ZNF804B: variants seen among roughly 807,000 people sequenced by gnomAD.
The protein encoded by ZNF804B is zinc finger protein 804B, also known as zinc finger 804B.
ZNF804B carries 80 observed loss-of-function variants against 101.4 expected under a neutral mutation model. That is an observed-to-expected ratio of 0.79 (90% CI 0.66 to 0.95). ZNF804B has a LOEUF of 0.95. Ranked by LOEUF, ZNF804B falls within the 40% of genes least tolerant of loss-of-function variation. The pLI, the probability that ZNF804B is intolerant of heterozygous loss-of-function variation, is 0.00. For synonymous variants in ZNF804B, 622 were observed against 558.8 expected, an observed-to-expected ratio of 1.11 and a Z score of -1.59; for missense variants, 1,673 against 1,561.9, an observed-to-expected ratio of 1.07 and a Z score of -1.20.
At chr7:88,993,874 A>C (rs1793883290) in intron 1 of ZNF804B, among the ~76,000 whole-genome samples, 1 of 152,002 alleles carries the variant, frequency 6.6e-6, no homozygotes, top group Non-Finnish European at 1.5e-5. Flanking sequence ...GAAAATTTGA[A>C]AGAAACAAGT....
intron 1 of ZNF804B, among the ~76,000 whole-genome samples, chr7:88,776,533 T>G (rs1268851390): frequency 1.3e-5 from 2 of 149,706 alleles, no homozygotes; most frequent in South Asian, 2.1e-4. Context: ...ACATTTGTAG[T>G]GGCTTTTCTA....
intron 2 of ZNF804B, among the ~76,000 whole-genome samples, chr7:89,305,055 T>C (rs1790539364): frequency 6.6e-6 from 1 of 152,040 alleles, no homozygotes; most frequent in East Asian, 1.9e-4. Flanking sequence ...GTTATGCCTT[T>C]AAGTGTCTGT....
intron 1 of ZNF804B, among the ~76,000 whole-genome samples, chr7:89,007,446 T>A (rs10226356): frequency 0.057 from 3,281 of 57,076 alleles, 167 homozygotes; most frequent in East Asian, 0.12. Flanking sequence ...ATCCATGATT[T>A]TATATATATA....
intron 1 of ZNF804B, among the ~76,000 whole-genome samples, chr7:89,161,903 T>C (rs1298509693): frequency 1.3e-5 from 2 of 152,140 alleles, no homozygotes; most frequent in East Asian, 1.9e-4. Context: ...CAATATGAGA[T>C]AGTAAATTTT....
chr7:89,196,021 A>G (rs1788544837), intron 1 of ZNF804B, among the ~76,000 whole-genome samples: 1 of 152,118 alleles, frequency 6.6e-6, no homozygotes, highest in Non-Finnish European at 1.5e-5. Context: ...TTAAACTACC[A>G]TCGACATTCT....
chr7:88,917,221 C>T (rs530337276), intron 1 of ZNF804B, among the ~76,000 whole-genome samples: 6 of 151,782 alleles, frequency 4.0e-5, no homozygotes, highest in Non-Finnish European at 7.4e-5. Context: ...GCCGAGATCG[C>T]ACCATTGCAC....
At chr7:89,245,248 AAAAAT>A (rs1789426269) in intron 2 of ZNF804B, among the ~76,000 whole-genome samples, 1 of 152,152 alleles carries the variant, frequency 6.6e-6, no homozygotes, top group Admixed American at 6.5e-5. Flanking sequence ...TTAGAAAACA[AAAAAT>A]AAACTTCTAG....
chr7:89,152,253 C>CTTT (rs71120063), intron 1 of ZNF804B, among the ~76,000 whole-genome samples: 23 of 144,766 alleles, frequency 1.6e-4, no homozygotes, highest in African/African-American at 5.0e-4. Flanking sequence ...ATGGTTTTTT[C>CTTT]TTTTTTTTTT....
At chr7:89,293,144 T>C (rs10236145) in intron 2 of ZNF804B, among the ~76,000 whole-genome samples, 35,260 of 151,984 alleles carry the variant, frequency 0.23, 4,417 homozygotes, top group Admixed American at 0.28. Context: ...TTGGAAGTTA[T>C]ATATCATTTT....
intron 1 of ZNF804B, among the ~76,000 whole-genome samples, chr7:88,763,588 A>G (rs1035453036): frequency 1.3e-5 from 2 of 151,766 alleles, no homozygotes; most frequent in African/African-American, 4.8e-5. Context: ...ATGAGAGAGG[A>G]TTTTATGGTG....
chr7:88,898,326 T>G (rs1584004378), intron 1 of ZNF804B, among the ~76,000 whole-genome samples: 1 of 152,130 alleles, frequency 6.6e-6, no homozygotes, highest in East Asian at 1.9e-4. Flanking sequence ...GACCTTGTGA[T>G]CCACCCGCCT....
At chr7:89,052,687 A>G (rs935947737) in intron 1 of ZNF804B, among the ~76,000 whole-genome samples, 1 of 152,172 alleles carries the variant, frequency 6.6e-6, no homozygotes, top group South Asian at 2.1e-4. Flanking sequence ...AACCTCGTAC[A>G]CAAGGAACCC....
chr7:89,033,830 G>T (rs1175046168), intron 1 of ZNF804B, among the ~76,000 whole-genome samples: 2 of 151,810 alleles, frequency 1.3e-5, no homozygotes, highest in African/African-American at 4.8e-5. Flanking sequence ...ATAGGTGAAA[G>T]GTCTTTCTGC....
At chr7:89,322,757 T>C (rs1283526294) in intron 2 of ZNF804B, among the ~76,000 whole-genome samples, 1 of 152,186 alleles carries the variant, frequency 6.6e-6, no homozygotes, top group Non-Finnish European at 1.5e-5. Context: ...TTATATATCT[T>C]GCATAAACTG....
rs148321254 is a variant in ZNF804B, at chr7:89,316,003, T to TTG, written c.250-11329_250-11328dup. Among the ~76,000 whole-genome samples, 6 of 152,058 alleles carry TTG rather than the reference T, an allele frequency of 3.9e-5. No homozygotes were observed. In the East Asian group the frequency reaches 7.7e-4, roughly 20 times the overall value. ...GAAAATAAGAAATACCTCTGTACAA[T>TTG]TGTGTGTGTGTGTCTGTGTATGCAT... On this transcript the variant is annotated intron_variant, in intron 2 of 3. Transcript: ENST00000333190.
chr7:89,305,778 A>G (rs1394160747), intron 2 of ZNF804B, among the ~76,000 whole-genome samples: 1 of 151,866 alleles, frequency 6.6e-6, no homozygotes, highest in Admixed American at 6.6e-5. Context: ...TTTTTGAAAG[A>G]GGATATTTTT....
rs141087208 is a variant in ZNF804B, at chr7:89,326,653, C to A, written c.250-691C>A. On this transcript the variant is annotated intron_variant, in intron 2 of 3. Transcript: ENST00000333190. Reference sequence around the variant, plus strand: ...CAATATCATTAGCTGTGCTTAGTGGCAGATTCTTAAGAAGAGGTCTTACTT... The same window carrying A: ...CAATATCATTAGCTGTGCTTAGTGGAAGATTCTTAAGAAGAGGTCTTACTT... Among the ~76,000 whole-genome samples the A allele has an allele frequency of 2.3e-3, 356 of 152,070 alleles. 2 individuals carry two copies. Among genetic ancestry groups the A allele is most frequent in the African/African-American group, 8.3e-3 (345 of 41,498 alleles).
At chr7:89,297,015 A>G (rs78810485) in intron 2 of ZNF804B, among the ~76,000 whole-genome samples, 2,896 of 152,134 alleles carry the variant, frequency 0.019, 78 homozygotes, top group African/African-American at 0.066. Context: ...TATGTGTACA[A>G]AATTGAGCGG....
At chr7:89,315,646 T>C (rs956910690) in intron 2 of ZNF804B, among the ~76,000 whole-genome samples, 2 of 152,152 alleles carry the variant, frequency 1.3e-5, no homozygotes, top group Non-Finnish European at 2.9e-5. Context: ...AGTTTTGTCA[T>C]CTTGATGGTG....
Sources: allele counts gnomAD v4.1 joint callset (sites outside exome capture counted in the v4.1 genomes callset), GRCh38; gene constraint gnomAD v4.1.1; transcripts MANE v1.5; gene names NCBI Gene and HGNC (gene_info 2026-07-23, HGNC 2026-07-21).